The following SEH1L variants were observed in gnomAD, a reference collection of about 807,000 sequenced individuals.
SEH1L encodes nucleoporin SEH1.
A neutral mutation model predicts 49.5 loss-of-function variants in SEH1L; 18 were observed. The observed-to-expected ratio is 0.36, with a 90% CI of 0.25 to 0.54. The LOEUF is 0.54. Among genes scored for constraint, SEH1L ranks in the 20% least tolerant of loss-of-function variants. The pLI is 0.87. For synonymous variants in SEH1L, 169 were observed against 178.1 expected (o/e 0.95, Z 0.41); for missense variants, 404 against 528.8 (o/e 0.76, Z 2.31).
chr18:12,985,322 T>C (rs934246720), intron 8 of SEH1L: 3 of 1,575,340 alleles, frequency 1.9e-6, no homozygotes, highest in Non-Finnish European at 2.6e-6. Context: ...GAAAGCGAGC[T>C]CCTTTTCCCC....
rs189652918 is a variant in SEH1L at position 12,950,990 on chromosome 18, A to G, written c.112-865A>G. ...GTGTGCACCACCATGCCTGGTTTCA[A>G]TATTTTTGCTTTACCATTTGTTACA... On this transcript the variant is annotated intron_variant, in intron 1 of 8. Coordinates refer to ENST00000399892, the MANE Select transcript of SEH1L (RefSeq NM_001013437.2). Among the ~76,000 whole-genome samples, 7 of 152,058 alleles carry G rather than the reference A, an allele frequency of 4.6e-5. 1 individual carries two copies. Among genetic ancestry groups the G allele is most frequent in the Admixed American group, 3.9e-4 (6 of 15,268 alleles).
chr18:12,964,962 A>G (rs1413539007), intron 4 of SEH1L, among the ~76,000 whole-genome samples: 1 of 146,774 alleles, frequency 6.8e-6, no homozygotes, highest in Non-Finnish European at 1.5e-5. Flanking sequence ...AAAAGAGGGA[A>G]TTAGTTTATT....
At chr18:12,950,653 A>G (rs1479386580) in intron 1 of SEH1L, among the ~76,000 whole-genome samples, 1 of 152,206 alleles carries the variant, frequency 6.6e-6, no homozygotes, top group Admixed American at 6.5e-5. Context: ...ATTAGTGGAT[A>G]TTTTAAACAC....
intron 4 of SEH1L, among the ~76,000 whole-genome samples, chr18:12,966,736 T>C (rs975054234): frequency 6.6e-6 from 1 of 152,198 alleles, no homozygotes; most frequent in African/African-American, 2.4e-5. Context: ...CCTTTAAAAA[T>C]AAATGTTATT....
intron 4 of SEH1L, among the ~76,000 whole-genome samples, chr18:12,964,991 C>T (rs1285906036): frequency 1.3e-5 from 2 of 150,306 alleles, no homozygotes; most frequent in Non-Finnish European, 3.0e-5. Flanking sequence ...CTCACATTGC[C>T]CCTTCCATTT....
chr18:12,950,490 CCT>C (rs2030453189), intron 1 of SEH1L, among the ~76,000 whole-genome samples: 2 of 152,008 alleles, frequency 1.3e-5, no homozygotes, highest in South Asian at 2.1e-4. Context: ...TTATTGATTT[CCT>C]CTGTTTTTCC....
chr18:12,971,164 A>G lies in SEH1L; in HGVS notation c.533A>G (p.His178Arg). Reference protein sequence around the residue: ...ISWNPSSSRAHSPMIAVGSDD... With the variant: ...ISWNPSSSRARSPMIAVGSDD... Reference sequence around the variant, plus strand: ...CTCCCCGTTTCTAGCTCTCGTGCTCATTCCCCCATGATCGCCGTAGGAAGT... The same window carrying G: ...CTCCCCGTTTCTAGCTCTCGTGCTCGTTCCCCCATGATCGCCGTAGGAAGT... The change falls in exon 5 of 9, where the codon CAT becomes CGT. Residue 178 changes from histidine to arginine, a missense_variant. By Grantham distance (29) the His-to-Arg change is conservative. Coordinates refer to ENST00000399892, the MANE Select transcript of SEH1L (RefSeq NM_001013437.2). The G allele has an allele frequency of 6.2e-7, 1 of 1,612,872 alleles. No individual in the cohort carries two copies. The highest frequency in any genetic ancestry group is 8.5e-7 in the Non-Finnish European group (1 of 1,178,934).
chr18:12,976,817 A>AG (rs1302373190), intron 5 of SEH1L: 1 of 151,964 alleles, frequency 6.6e-6, no homozygotes, highest in Non-Finnish European at 1.5e-5. Context: ...TACAAAAAAA[A>AG]CAAAAAACAT....
intron 4 of SEH1L, among the ~76,000 whole-genome samples, chr18:12,967,211 C>T (rs1469116526): frequency 1.3e-5 from 2 of 152,222 alleles, no homozygotes; most frequent in African/African-American, 4.8e-5. Flanking sequence ...ACAAGTCTCT[C>T]ACTACATTTT....
Position 12,956,410 on chromosome 18 carries a change from G to A in SEH1L, c.309+801G>A, listed in dbSNP as rs527817702. On this transcript the variant is annotated intron_variant, in intron 3 of 8. Transcript: ENST00000399892. ...ATTTAATGGGCCAAATTCAGGATGG[G>A]CCCATGTCACACGCCATACAGATCC... Among the ~76,000 whole-genome samples the A allele has an allele frequency of 3.3e-5, 5 of 149,970 alleles. No homozygotes were observed. In the South Asian group the frequency reaches 8.5e-4, roughly 25 times the overall value.
chr18:12,948,177 C>G lies in SEH1L; in HGVS notation c.56C>G (p.Ser19Cys), dbSNP rs1250980972. The G allele has an allele frequency of 2.5e-6, 4 of 1,612,144 alleles. No individual in the cohort carries two copies. Among genetic ancestry groups the G allele is most frequent in the Non-Finnish European group, 3.4e-6 (4 of 1,179,432 alleles). The change falls in exon 1 of 9, where the codon TCT becomes TGT. Residue 19 changes from serine to cysteine, a missense_variant. Ser to Cys is a moderately radical substitution (Grantham distance 112). Coordinates refer to ENST00000399892, the MANE Select transcript of SEH1L (RefSeq NM_001013437.2). ...ADHKDLIHDV[S>C]FDFHGRRMAT... is the part of the protein sequence containing the mutation. The stretch of plus-strand genomic sequence containing the variant: ...CACAAGGATCTCATCCACGATGTCT[C>G]TTTCGACTTCCACGGGCGGCGGATG...
chr18:12,981,827 C>A (rs11661908), intron 6 of SEH1L, among the ~76,000 whole-genome samples: 1 of 130,168 alleles, frequency 7.7e-6, no homozygotes, highest in Admixed American at 8.0e-5. Context: ...TTCTTTCATT[C>A]TTTCCTACTT....
At chr18:12,950,259 C>G (rs983400722) in intron 1 of SEH1L, among the ~76,000 whole-genome samples, 2 of 152,104 alleles carry the variant, frequency 1.3e-5, no homozygotes, top group African/African-American at 4.8e-5. Flanking sequence ...TAGTCTCGAA[C>G]TCCTGAGCTC....
At chr18:12,949,001 C>T (rs974279072) in intron 1 of SEH1L, among the ~76,000 whole-genome samples, 10 of 151,710 alleles carry the variant, frequency 6.6e-5, no homozygotes, top group Non-Finnish European at 1.3e-4. Context: ...AGGTGCACGC[C>T]ACCACCCCCG....
At chr18:12,961,439 G>A (rs1331074413) in intron 3 of SEH1L, among the ~76,000 whole-genome samples, 1 of 152,090 alleles carries the variant, frequency 6.6e-6, no homozygotes, top group African/African-American at 2.4e-5. Context: ...GACATTCCTG[G>A]TGGGGTGGGG....
Position 12,984,101 on chromosome 18 carries a change from T to A in SEH1L, c.981T>A (p.Asn327Lys), listed in dbSNP as rs754998481. 1.4e-5 allele frequency: 23 copies of A among 1,613,846 alleles called. No homozygotes were observed. The highest frequency in any genetic ancestry group is 1.9e-5 in the Non-Finnish European group (22 of 1,179,702). ...TGAAAGGTAATGGGAGCCCAGTCAATGGGAGTTCTCAGCAGGGAACCTCAA... is the reference window on the plus strand; with the variant it reads ...TGAAAGGTAATGGGAGCCCAGTCAAAGGGAGTTCTCAGCAGGGAACCTCAA... Reference protein sequence around the residue: ...GILKGNGSPVNGSSQQGTSNP... With the variant: ...GILKGNGSPVKGSSQQGTSNP... The change falls in exon 8 of 9, where the codon AAT becomes AAA. Residue 327 changes from asparagine (N) to lysine (K), a missense_variant. Coordinates refer to ENST00000399892, the MANE Select transcript of SEH1L (RefSeq NM_001013437.2).
chr18:12,955,325 T>C (rs1266352346), intron 2 of SEH1L, 138 bp from the exon 3 acceptor site: 1 of 723,104 alleles, frequency 1.4e-6, no homozygotes, highest in Non-Finnish European at 2.2e-6. Flanking sequence ...ATCAGTTTTC[T>C]TCTCTCATAG....
At chr18:12,956,003 ATTC>A (rs1244903487) in intron 3 of SEH1L, among the ~76,000 whole-genome samples, 1 of 148,816 alleles carries the variant, frequency 6.7e-6, no homozygotes, top group African/African-American at 2.5e-5. Context: ...TAACTCTAAA[ATTC>A]TTTTTTTTTT....
At chr18:12,970,666 C>G (rs890217316) in intron 4 of SEH1L, among the ~76,000 whole-genome samples, 2 of 152,116 alleles carry the variant, frequency 1.3e-5, no homozygotes, top group Admixed American at 6.6e-5. Flanking sequence ...CTCAAATGAT[C>G]CTCTCTCCTG....
Sources: gnomAD v4.1 joint callset for allele counts (sites outside exome capture counted in the v4.1 genomes callset) on GRCh38, gnomAD v4.1.1 for gene constraint, MANE v1.5 for transcripts, NCBI Gene and HGNC (gene_info 2026-07-23, HGNC 2026-07-21) for gene names.